AHCYL2: variants seen among roughly 807,000 people sequenced by gnomAD.
AHCYL2 encodes S-adenosylhomocysteine hydrolase-like protein 2.
Under a neutral mutation model 81.4 loss-of-function variants are expected in AHCYL2, and 28 were observed. The ratio of observed to expected loss-of-function variants is 0.34; its 90% CI spans 0.25 to 0.47. The LOEUF is 0.47. AHCYL2 is among the 20% of genes least tolerant of loss of function. The pLI, the probability that AHCYL2 is intolerant of heterozygous loss-of-function variation, is 1.00. For missense variants in AHCYL2, 551 were observed against 785.1 expected (o/e 0.70, Z 3.56); for synonymous variants, 272 against 290.2 (o/e 0.94, Z 0.64).
chr7:129,232,938 T>C (rs1263966471), intron 1 of AHCYL2, among the ~76,000 whole-genome samples: 1 of 152,212 alleles, frequency 6.6e-6, no homozygotes, highest in Non-Finnish European at 1.5e-5. Flanking sequence ...ATTCAGCCAG[T>C]GTTGACTTCT....
chr7:129,286,230 C>T (rs925860905), intron 1 of AHCYL2, among the ~76,000 whole-genome samples: 14 of 152,000 alleles, frequency 9.2e-5, no homozygotes, highest in South Asian at 4.2e-4. Context: ...TTTTTTGTCT[C>T]GGGGCCCTTT....
At chr7:129,384,424 C>A (rs1374844440) in intron 2 of AHCYL2, among the ~76,000 whole-genome samples, 2 of 151,078 alleles carry the variant, frequency 1.3e-5, no homozygotes, top group Non-Finnish European at 2.9e-5. Flanking sequence ...CTATTCCCAG[C>A]ACTTAGAACT....
Position 129,225,261 on chromosome 7 carries a change from TC to T in AHCYL2, c.189del (p.Gly64AlafsTer23). ...APAPAAERPP[V>X]PGPGSGPAAA... The stretch of plus-strand genomic sequence containing the variant: ...GCTCCCGCCGCGGAGCGGCCCCCGG[TC>T]CCCGGCCCGGGCTCGGGGCCCGCCG... On this transcript the variant is annotated frameshift_variant, in exon 1 of 17. Coordinates refer to ENST00000325006, the MANE Select transcript of AHCYL2 (RefSeq NM_015328.4). LOFTEE classifies it high-confidence loss of function. 1.4e-6 allele frequency: 2 copies of T among 1,447,556 alleles called. No homozygotes were observed. The highest frequency in any genetic ancestry group is 2.7e-5 in the Admixed American group (1 of 37,156). The allele number at this position is 1,447,556 out of a possible 1,614,324, so 89.7% of individuals were successfully genotyped here.
intron 1 of AHCYL2, among the ~76,000 whole-genome samples, chr7:129,265,236 C>G (rs1795775297): frequency 6.6e-6 from 1 of 152,044 alleles, no homozygotes; most frequent in African/African-American, 2.4e-5. Flanking sequence ...TGCTGGAGCT[C>G]AGGGCATTAT....
chr7:129,272,691 T>C (rs1796061895), intron 1 of AHCYL2, among the ~76,000 whole-genome samples: 1 of 152,184 alleles, frequency 6.6e-6, no homozygotes, highest in African/African-American at 2.4e-5. Flanking sequence ...ATGACTTCAG[T>C]GTATCTAAGG....
chr7:129,294,483 A>G (rs1796986545), intron 1 of AHCYL2, among the ~76,000 whole-genome samples: 1 of 152,178 alleles, frequency 6.6e-6, no homozygotes, highest in Admixed American at 6.6e-5. Flanking sequence ...TAATTCTTAG[A>G]ATTCTGTGAG....
intron 1 of AHCYL2, among the ~76,000 whole-genome samples, chr7:129,364,810 T>C (rs1794049747): frequency 6.6e-6 from 1 of 152,020 alleles, no homozygotes; most frequent in African/African-American, 2.4e-5. Context: ...AAATGGATTA[T>C]ATATTCCTGC....
intron 2 of AHCYL2, 172 bp from the exon 3 acceptor site, chr7:129,388,884 A>G (rs1049965826): frequency 1.6e-6 from 1 of 608,190 alleles, no homozygotes; most frequent in Non-Finnish European, 2.7e-6. Context: ...TGTCTTTGGC[A>G]ATCTCTTTCA....
At chr7:129,409,718 A>G (rs1052852454) in intron 11 of AHCYL2, among the ~76,000 whole-genome samples, 172 bp downstream of exon 11, 4 of 152,208 alleles carry the variant, frequency 2.6e-5, no homozygotes, top group Admixed American at 1.3e-4. Context: ...GCTCCGACCA[A>G]AGGTATACGA....
intron 1 of AHCYL2, among the ~76,000 whole-genome samples, chr7:129,326,430 G>C (rs1209912303): frequency 6.6e-6 from 1 of 152,044 alleles, no homozygotes; most frequent in Admixed American, 6.6e-5. Context: ...GGGAGGCAGA[G>C]GCAGAAGAAT....
Position 129,419,706 on chromosome 7 carries a change from A to G in AHCYL2, c.1462-3134A>G, listed in dbSNP as rs1237470683. On this transcript the variant is annotated intron_variant, in intron 12 of 16. Transcript: ENST00000325006. The surrounding 1 kb of genome is among the most constrained non-coding windows in gnomAD (Gnocchi z 4.7). ...TTTAACCTGAGACTTTGTGCTTTAC[A>G]GGACTAGAACTACAGTTGTTCTCCC... 1.3e-5 allele frequency among the ~76,000 whole-genome samples: 2 copies of G among 152,112 alleles called. No homozygotes were observed. Among genetic ancestry groups the G allele is most frequent in the African/African-American group, 4.8e-5 (2 of 41,498 alleles).
chr7:129,257,049 G>A (rs190750557), intron 1 of AHCYL2, among the ~76,000 whole-genome samples: 1 of 152,252 alleles, frequency 6.6e-6, no homozygotes, highest in Admixed American at 6.5e-5. Flanking sequence ...CAGAGGCATA[G>A]ACTGAAAACA....
At chr7:129,420,820 TTATTTA>T (rs1167284218) in intron 12 of AHCYL2, among the ~76,000 whole-genome samples, 1 of 152,202 alleles carries the variant, frequency 6.6e-6, no homozygotes, top group African/African-American at 2.4e-5. Context: ...TTTACAGTAT[TTATTTA>T]TAACATTTAT....
At chr7:129,238,118 C>T (rs914049996) in intron 1 of AHCYL2, among the ~76,000 whole-genome samples, 1 of 152,156 alleles carries the variant, frequency 6.6e-6, no homozygotes, top group Non-Finnish European at 1.5e-5. Flanking sequence ...GGTCACCTAT[C>T]TTTCAAAGTT....
chr7:129,368,355 A>G lies in AHCYL2; in HGVS notation c.364-11283A>G. ...ATTTGAATCGGAGGCTGCTGTGAAAAGGGATGCAGCTTCTGCTAGCCACTG... is the reference window on the plus strand; with the variant it reads ...ATTTGAATCGGAGGCTGCTGTGAAAGGGGATGCAGCTTCTGCTAGCCACTG... On this transcript the variant is annotated intron_variant, in intron 1 of 16. Coordinates refer to ENST00000325006, the MANE Select transcript of AHCYL2 (RefSeq NM_015328.4). The surrounding 1 kb of genome is among the most constrained non-coding windows in gnomAD (Gnocchi z 4.4). 1 of 1,484,234 alleles carries G rather than the reference A, an allele frequency of 6.7e-7. No individual in the cohort carries two copies. The highest frequency in any genetic ancestry group is 9.0e-7 in the Non-Finnish European group (1 of 1,116,848). 91.9% of individuals were successfully genotyped at this position (1,484,234 alleles called of 1,614,324 possible).
chr7:129,315,525 T>C, intron 1 of AHCYL2, among the ~76,000 whole-genome samples: 1 of 152,338 alleles, frequency 6.6e-6, no homozygotes, highest in Non-Finnish European at 1.5e-5. Flanking sequence ...TTCTTAAAGT[T>C]ACCACCTTTC....
At chr7:129,256,162 G>C (rs970557156) in intron 1 of AHCYL2, among the ~76,000 whole-genome samples, 1 of 152,158 alleles carries the variant, frequency 6.6e-6, no homozygotes, top group Non-Finnish European at 1.5e-5. Context: ...CTGGAAGTCA[G>C]TGTGTTACAA....
chr7:129,407,622 T>C (rs1796366609), intron 10 of AHCYL2, among the ~76,000 whole-genome samples: 1 of 152,202 alleles, frequency 6.6e-6, no homozygotes, highest in South Asian at 2.1e-4. Context: ...GTTCAGATAC[T>C]GAACAGTTCA....
chr7:129,262,092 T>G (rs1584717800), intron 1 of AHCYL2, among the ~76,000 whole-genome samples: 1 of 152,246 alleles, frequency 6.6e-6, no homozygotes, highest in East Asian at 1.9e-4. Flanking sequence ...TTCTATTATG[T>G]GCCAGGCACT....
Sources: allele counts gnomAD v4.1 joint callset (sites outside exome capture counted in the v4.1 genomes callset), GRCh38; gene constraint gnomAD v4.1.1; non-coding constraint Gnocchi (gnomAD v3.1); transcripts MANE v1.5; gene names NCBI Gene and HGNC (gene_info 2026-07-23, HGNC 2026-07-21).